Variants in DENND5A observed in about 807,000 individuals in gnomAD.
DENND5A encodes the protein DENN domain-containing protein 5A.
Under a neutral mutation model 140.3 loss-of-function variants are expected in DENND5A, and 64 were observed. The observed-to-expected ratio is 0.46, with a 90% CI of 0.37 to 0.56. The LOEUF (loss-of-function observed/expected upper bound fraction) is 0.56. Ranked by LOEUF, DENND5A falls within the 20% of genes least tolerant of loss-of-function variation. The probability of loss-of-function intolerance (pLI) is 0.00; values close to 1 mark genes in which losing one functional copy is unlikely to be tolerated. For synonymous variants in DENND5A, 605 were observed against 607.7 expected, an observed-to-expected ratio of 1.00 and a Z score of 0.07; for missense variants, 1,292 against 1,593.8, an observed-to-expected ratio of 0.81 and a Z score of 3.22.
intron 1 of DENND5A, among the ~76,000 whole-genome samples, chr11:9,225,056 T>G (rs762855118): frequency 6.6e-6 from 1 of 152,166 alleles, no homozygotes; most frequent in East Asian, 1.9e-4. Context: ...CGTCTAACTC[T>G]ATGTGTAATC....
At chr11:9,184,544 C>T (rs1303015885) in intron 5 of DENND5A, among the ~76,000 whole-genome samples, 1 of 152,100 alleles carries the variant, frequency 6.6e-6, no homozygotes, top group Non-Finnish European at 1.5e-5. Flanking sequence ...AAAGTGGTTG[C>T]AACAATTTAC....
At chr11:9,196,071 G>T (rs187482218) in intron 4 of DENND5A, among the ~76,000 whole-genome samples, 259 of 152,254 alleles carry the variant, frequency 1.7e-3, no homozygotes, top group Middle Eastern at 0.014. Flanking sequence ...TCTTGCCTCA[G>T]CCTCCCCAGT....
At chr11:9,172,453 A>G (rs1052460038) in intron 8 of DENND5A, among the ~76,000 whole-genome samples, 6 of 152,210 alleles carry the variant, frequency 3.9e-5, no homozygotes, top group African/African-American at 1.2e-4. Context: ...CCATGTCCGC[A>G]CCCAAATCTC....
rs1317373402 is a variant in DENND5A at position 9,204,004 on chromosome 11, TAG to T, written c.603_604del (p.Tyr202ArgfsTer3). 7 of 1,613,910 alleles carry T rather than the reference TAG, an allele frequency of 4.3e-6. No homozygotes were observed. The highest frequency in any genetic ancestry group is 5.9e-6 in the Non-Finnish European group (7 of 1,179,998). On this transcript the variant is annotated frameshift_variant, in exon 4 of 23. Coordinates refer to ENST00000328194, the MANE Select transcript of DENND5A (RefSeq NM_015213.4). LOFTEE classifies it high-confidence loss of function. ...GATGAGGCAGATGCACTTAGAGACG[TAG>T]AGAGTGTCCCGGCTAATGTCATAGG...
At chr11:9,213,323 G>C (rs1046457210) in intron 1 of DENND5A, among the ~76,000 whole-genome samples, 4 of 151,964 alleles carry the variant, frequency 2.6e-5, no homozygotes, top group Non-Finnish European at 5.9e-5. Context: ...TCTGCAAGAT[G>C]TCACCAATAA....
intron 6 of DENND5A, among the ~76,000 whole-genome samples, 173 bp from the exon 7 acceptor site, chr11:9,179,246 G>A (rs1471508613): frequency 6.6e-6 from 1 of 152,030 alleles, no homozygotes; most frequent in East Asian, 1.9e-4. Flanking sequence ...AAAGGAAAGG[G>A]ACTCAGACAC....
In DENND5A at chr11:9,178,253, A is replaced by T. The variant is rs1316074841; in HGVS notation, c.1785T>A (p.Asp595Glu). The T allele has an allele frequency of 6.2e-7, 1 of 1,613,838 alleles. No individual in the cohort carries two copies. Among genetic ancestry groups the T allele is most frequent in the Admixed American group, 1.7e-5 (1 of 59,992 alleles). The change falls in exon 8 of 23, where the codon GAT becomes GAA. Residue 595 changes from aspartate to glutamate, a missense_variant. Asp to Glu is a conservative substitution (Grantham distance 45). Around this residue, in one of 4 missense-constraint regions of DENND5A, gnomAD observed 199 missense variants for 189.1 expected, o/e 1.05. Coordinates refer to ENST00000328194, the MANE Select transcript of DENND5A (RefSeq NM_015213.4). ...ATACCCGGAGTACAGGGTCTTTATC[A>T]TCATCATCATGACACATTATTTTGT... ...IDNKIMCHDD[D>E]DKDPVLRVFD...
At chr11:9,210,888 C>T (rs919574524) in intron 1 of DENND5A, among the ~76,000 whole-genome samples, 6 of 152,120 alleles carry the variant, frequency 3.9e-5, no homozygotes, top group African/African-American at 1.4e-4. Flanking sequence ...TGTGAAACTA[C>T]AATGGGAAAA....
At chr11:9,143,152 A>T in intron 20 of DENND5A, 1 of 591,962 alleles carries the variant, frequency 1.7e-6, no homozygotes, top group Non-Finnish European at 3.0e-6. Flanking sequence ...GGACAGGAAT[A>T]GGCACTGTTC....
chr11:9,239,968 CAT>C (rs897659153), intron 1 of DENND5A, among the ~76,000 whole-genome samples: 6 of 152,254 alleles, frequency 3.9e-5, no homozygotes, highest in African/African-American at 1.4e-4. Flanking sequence ...ATGAATAAAT[CAT>C]AGAGATTATG....
chr11:9,142,168 T>C lies in DENND5A; in HGVS notation c.3512-60A>G. On this transcript the variant is annotated intron_variant, in intron 21 of 22. Coordinates refer to ENST00000328194, the MANE Select transcript of DENND5A (RefSeq NM_015213.4). ...CTCTCAACACCAACCCTGACGGTCC[T>C]ACAGGCCACTTGCCATGGGCCTCTC... 5 of 1,422,216 alleles carry C rather than the reference T, an allele frequency of 3.5e-6. No individual in the cohort carries two copies. In the South Asian group the frequency reaches 4.5e-5, roughly 13 times the overall value. 88.1% of individuals were successfully genotyped at this position (1,422,216 alleles called of 1,614,324 possible).
chr11:9,188,880 C>T (rs750817629), intron 5 of DENND5A, among the ~76,000 whole-genome samples: 4 of 152,192 alleles, frequency 2.6e-5, no homozygotes, highest in Admixed American at 6.5e-5. Flanking sequence ...AAAAGAAAAT[C>T]CCATTTTCTG....
chr11:9,173,291 G>A (rs1167619676), intron 8 of DENND5A, among the ~76,000 whole-genome samples: 1 of 152,188 alleles, frequency 6.6e-6, no homozygotes, highest in Admixed American at 6.5e-5. Flanking sequence ...GGAAAATAAT[G>A]CCAGATGGAA....
intron 1 of DENND5A, among the ~76,000 whole-genome samples, chr11:9,237,396 T>C (rs960672933): frequency 1.3e-5 from 2 of 152,054 alleles, no homozygotes; most frequent in African/African-American, 2.4e-5. Context: ...CACTCCAGCC[T>C]GGGCAGTAAG....
intron 1 of DENND5A, among the ~76,000 whole-genome samples, chr11:9,227,669 C>A (rs999310265): frequency 6.6e-6 from 1 of 152,006 alleles, no homozygotes; most frequent in Non-Finnish European, 1.5e-5. Flanking sequence ...GTGAAAAATG[C>A]ATATTTGGGC....
In DENND5A at chr11:9,190,597, T is replaced by C. The variant is rs142526617; in HGVS notation, c.1137+2897A>G. On this transcript the variant is annotated intron_variant, in intron 5 of 22. Coordinates refer to ENST00000328194, the MANE Select transcript of DENND5A (RefSeq NM_015213.4). ...CAGCCACATGGAACTCTAAGTCCAT[T>C]AAACCTCTTTCTTTTGTAAACTGCC... Among the ~76,000 whole-genome samples the C allele has an allele frequency of 3.3e-3, 510 of 152,264 alleles. 1 individual carries two copies. Among genetic ancestry groups the C allele is most frequent in the African/African-American group, 0.012 (496 of 41,548 alleles).
chr11:9,236,254 G>A (rs375591872), intron 1 of DENND5A, among the ~76,000 whole-genome samples: 1 of 149,010 alleles, frequency 6.7e-6, no homozygotes, highest in African/African-American at 2.5e-5. Context: ...AAAGTTCGCT[G>A]GGCGCAGTGG....
At chr11:9,213,345 T>A (rs1849953373) in intron 1 of DENND5A, among the ~76,000 whole-genome samples, 1 of 151,924 alleles carries the variant, frequency 6.6e-6, no homozygotes. Context: ...GGAAGCTGGG[T>A]AGAGTGCACA....
chr11:9,237,744 G>A (rs746292540), intron 1 of DENND5A, among the ~76,000 whole-genome samples: 1 of 152,006 alleles, frequency 6.6e-6, no homozygotes, highest in Non-Finnish European at 1.5e-5. Context: ...TTAGCCGGGC[G>A]TGGTGGCAAG....
Sources: allele counts gnomAD v4.1 joint callset (sites outside exome capture counted in the v4.1 genomes callset), GRCh38; gene constraint gnomAD v4.1.1; regional missense constraint gnomAD v4.1.1; transcripts MANE v1.5; gene names NCBI Gene and HGNC (gene_info 2026-07-23, HGNC 2026-07-21).